PSD3: variants seen among roughly 807,000 people sequenced by gnomAD.
PSD3 encodes pleckstrin and Sec7 domain containing 3.
In PSD3, 49 loss-of-function variants were observed where a neutral mutation model predicts 105.5. That is an observed-to-expected ratio of 0.46 (90% CI 0.37 to 0.59). PSD3 has a LOEUF of 0.59. PSD3 is among the 20% of genes least tolerant of loss of function. The pLI is 0.00. For missense variants in PSD3, 1,561 were observed against 1,263.8 expected (o/e 1.24, Z -3.57); for synonymous variants, 557 against 457.8 (o/e 1.22, Z -2.77).
At chr8:18,782,857 A>G (rs920941675) in intron 8 of PSD3, among the ~76,000 whole-genome samples, 1 of 152,334 alleles carries the variant, frequency 6.6e-6, no homozygotes, top group African/African-American at 2.4e-5. Flanking sequence ...TGGGTGGCAC[A>G]TGGCCGTAGG....
At chr8:18,629,093 G>T (rs942832302) in intron 11 of PSD3, among the ~76,000 whole-genome samples, 51 of 151,966 alleles carry the variant, frequency 3.4e-4, no homozygotes, top group African/African-American at 1.2e-3. Context: ...TAAAAAGTTA[G>T]AAACAAAATT....
intron 4 of PSD3, among the ~76,000 whole-genome samples, chr8:18,810,780 A>G (rs1422734142): frequency 1.3e-5 from 2 of 152,188 alleles, no homozygotes; most frequent in African/African-American, 4.8e-5. Flanking sequence ...AAGTGGAATA[A>G]AAAGACCAGT....
At chr8:18,809,028 G>A (rs148794582) in intron 4 of PSD3, 41 of 964,182 alleles carry the variant, frequency 4.3e-5, no homozygotes, top group East Asian at 4.0e-4. Context: ...TATCGAGAAC[G>A]TAAGAAACAG....
Position 18,575,236 on chromosome 8 carries a change from G to C in PSD3, c.2531C>G (p.Ala844Gly). 6.2e-7 allele frequency: 1 copy of C among 1,613,318 alleles called. No individual in the cohort carries two copies. The change falls in exon 13 of 16, where the codon GCT becomes GGT. Residue 844 changes from alanine (A) to glycine (G), a missense_variant. Ala to Gly is a moderately conservative substitution (Grantham distance 60). Transcript: ENST00000327040. ...TGCCAATGCGTGGTGCACACTCACA[G>C]CGTTTTTCAAGTCCTCTTCAGACAA... ...KALSEEDLKN[A>G]VSVHHALASK... is the part of the protein sequence containing the mutation.
At chr8:18,869,880 G>A (rs758960791) in intron 3 of PSD3, among the ~76,000 whole-genome samples, 1 of 152,184 alleles carries the variant, frequency 6.6e-6, no homozygotes, top group African/African-American at 2.4e-5. Context: ...GACAGTATCC[G>A]TGAGCCACAT....
intron 10 of PSD3, among the ~76,000 whole-genome samples, chr8:18,652,807 C>T (rs561800101): frequency 6.6e-6 from 1 of 152,160 alleles, no homozygotes; most frequent in East Asian, 1.9e-4. Context: ...TGCTTAGCTC[C>T]TTTGCTAAAG....
At position 18,891,354 on chromosome 8, in the gene PSD3, G is replaced by A. The variant is rs114285855; in HGVS notation, c.131-18621C>T. ...TAAAACAATAAATAAATGCGTTTTC[G>A]TTCGCTTCCACTTCAGGAAATGATT... On this transcript the variant is annotated intron_variant, in intron 2 of 15. Coordinates refer to ENST00000327040, the MANE Select transcript of PSD3 (RefSeq NM_015310.4). 7.8e-3 allele frequency among the ~76,000 whole-genome samples: 1,182 copies of A among 151,900 alleles called. 14 individuals are homozygous for A. The highest frequency in any genetic ancestry group is 0.027 in the African/African-American group (1,106 of 41,402).
In PSD3 at chr8:18,600,396, C is replaced by G. The variant is rs773060217; in HGVS notation, c.2449G>C (p.Val817Leu). Residue 817 changes from valine to leucine, a missense_variant, in exon 12 of 16, where the codon GTA becomes CTA. Physicochemically the swap from Val to Leu is conservative, Grantham distance 32. Coordinates refer to ENST00000327040, the MANE Select transcript of PSD3 (RefSeq NM_015310.4). ...AAGTAAAGAACTGTTCCCTTCAGTA[C>G]AGCATAAAAGGTTTTCCATCCTCGT... ...GKRGWKTFYA[V>L]LKGTVLYLQK... 11 of 1,606,638 alleles carry G rather than the reference C, an allele frequency of 6.8e-6. No homozygotes were observed. In the South Asian group the frequency reaches 1.1e-4, roughly 16 times the overall value.
intron 9 of PSD3, among the ~76,000 whole-genome samples, chr8:18,752,048 C>T (rs1033859881): frequency 5.3e-5 from 8 of 150,296 alleles, no homozygotes; most frequent in African/African-American, 1.7e-4. Flanking sequence ...ATTAGCTGGG[C>T]GTGGTGGTGG....
At chr8:18,849,993 T>C (rs889523323) in intron 4 of PSD3, among the ~76,000 whole-genome samples, 2 of 152,272 alleles carry the variant, frequency 1.3e-5, no homozygotes, top group Non-Finnish European at 2.9e-5. Flanking sequence ...GTTTATCTTT[T>C]CAGCAGCAAA....
chr8:18,825,732 C>T (rs1039209341), intron 4 of PSD3, among the ~76,000 whole-genome samples: 4 of 152,204 alleles, frequency 2.6e-5, no homozygotes, highest in Admixed American at 2.6e-4. Flanking sequence ...AATCTGATCT[C>T]TTCCCTAACC....
chr8:19,051,189 C>T (rs948459277), intron 1 of PSD3, among the ~76,000 whole-genome samples: 1 of 152,142 alleles, frequency 6.6e-6, no homozygotes, highest in Non-Finnish European at 1.5e-5. Context: ...GTCCAAGAGA[C>T]CCTCCTCCCT....
intron 12 of PSD3, among the ~76,000 whole-genome samples, chr8:18,580,195 A>C (rs1802721210): frequency 6.6e-6 from 1 of 152,146 alleles, no homozygotes; most frequent in Admixed American, 6.6e-5. Flanking sequence ...TCACAAAAGG[A>C]AATAAAAACG....
At chr8:18,592,976 GA>G (rs1366640851) in intron 12 of PSD3, among the ~76,000 whole-genome samples, 1 of 152,148 alleles carries the variant, frequency 6.6e-6, no homozygotes, top group Non-Finnish European at 1.5e-5. Flanking sequence ...ATTAATTCAA[GA>G]TGGATTAAAG....
intron 2 of PSD3, among the ~76,000 whole-genome samples, chr8:18,885,258 A>C (rs1201083653): frequency 6.6e-6 from 1 of 152,054 alleles, no homozygotes; most frequent in African/African-American, 2.4e-5. Context: ...CAATTGTAAA[A>C]TTTCTCTCTT....
chr8:18,916,379 A>ACAC (rs1820608215), intron 2 of PSD3, among the ~76,000 whole-genome samples: 1 of 21,654 alleles, frequency 4.6e-5, no homozygotes, highest in African/African-American at 2.3e-4. Flanking sequence ...CACACACACA[A>ACAC]ACAGAATACT....
chr8:18,887,486 C>G (rs990376161), intron 2 of PSD3, among the ~76,000 whole-genome samples: 1 of 152,152 alleles, frequency 6.6e-6, no homozygotes, highest in African/African-American at 2.4e-5. Context: ...TATACAATGT[C>G]TTTCAACACA....
intron 2 of PSD3, among the ~76,000 whole-genome samples, chr8:18,920,738 T>C (rs1383310813): frequency 1.3e-5 from 2 of 152,164 alleles, no homozygotes; most frequent in Non-Finnish European, 2.9e-5. Flanking sequence ...CTTCCTGGTG[T>C]GGTACTATCC....
At chr8:18,708,536 GC>G (rs1176783956) in intron 9 of PSD3, among the ~76,000 whole-genome samples, 1 of 152,058 alleles carries the variant, frequency 6.6e-6, no homozygotes, top group Non-Finnish European at 1.5e-5. Flanking sequence ...AGACCACACA[GC>G]TGTCTCTCCG....
Sources: gnomAD v4.1 joint callset for allele counts (sites outside exome capture counted in the v4.1 genomes callset) on GRCh38, gnomAD v4.1.1 for gene constraint, MANE v1.5 for transcripts, NCBI Gene and HGNC (gene_info 2026-07-23, HGNC 2026-07-21) for gene names.